Variants in CORIN observed in about 807,000 individuals in gnomAD.
CORIN encodes atrial natriuretic peptide-converting enzyme.
A neutral mutation model predicts 125.3 loss-of-function variants in CORIN; 117 were observed. The observed-to-expected ratio is 0.93, with a 90% confidence interval of 0.80 to 1.09. The LOEUF is 1.09. CORIN is among the 50% of genes least tolerant of loss of function. CORIN has a pLI of 0.00. For synonymous variants in CORIN, 450 were observed against 466.4 expected, an observed-to-expected ratio of 0.96 and a Z score of 0.45; for missense variants, 1,253 against 1,306.7, an observed-to-expected ratio of 0.96 and a Z score of 0.63.
chr4:47,759,350 G>A (rs973718847), intron 4 of CORIN, among the ~76,000 whole-genome samples: 1 of 152,056 alleles, frequency 6.6e-6, no homozygotes, highest in African/African-American at 2.4e-5. Flanking sequence ...AACATCAAAA[G>A]CAAAAGTAGA....
At chr4:47,698,285 C>A (rs1207594469) in intron 5 of CORIN, among the ~76,000 whole-genome samples, 1 of 151,620 alleles carries the variant, frequency 6.6e-6, no homozygotes, top group African/African-American at 2.4e-5. Context: ...TTAATATTGG[C>A]ACCCAATATT....
At chr4:47,781,290 T>C (rs1730534722) in intron 3 of CORIN, among the ~76,000 whole-genome samples, 1 of 152,210 alleles carries the variant, frequency 6.6e-6, no homozygotes, top group African/African-American at 2.4e-5. Context: ...GACTCACTTA[T>C]GATGGTTTGA....
chr4:47,603,486 A>G lies in CORIN; in HGVS notation c.2723T>C (p.Val908Ala). The change falls in exon 20 of 22, where the codon GTC (valine) becomes GCC (alanine). Residue 908 changes from valine (V) to alanine (A), a missense_variant. By Grantham distance (64) the Val-to-Ala change is moderately conservative. Transcript: ENST00000273857. ...LSEDISETGY[V>A]RPVCLPNPEQ... Reference sequence around the variant, plus strand: ...CGGGTTGGGCAAGCAGACAGGCCGGACGTAGCCAGTCTCACTGATGTCTTC... The same window carrying G: ...CGGGTTGGGCAAGCAGACAGGCCGGGCGTAGCCAGTCTCACTGATGTCTTC... 6.2e-7 allele frequency: 1 copy of G among 1,614,150 alleles called. No homozygotes were observed. The highest frequency in any genetic ancestry group is 8.5e-7 in the Non-Finnish European group (1 of 1,180,018).
intron 5 of CORIN, among the ~76,000 whole-genome samples, chr4:47,736,689 G>C (rs192027180): frequency 1.3e-5 from 2 of 150,156 alleles, no homozygotes; most frequent in East Asian, 4.2e-4. Context: ...ATGTGTCTAT[G>C]TATTCTTATC....
intron 16 of CORIN, among the ~76,000 whole-genome samples, chr4:47,626,995 T>A (rs1722599348): frequency 1.4e-5 from 2 of 146,842 alleles, no homozygotes; most frequent in Non-Finnish European, 3.0e-5. Context: ...TTGTTGTTGT[T>A]TTTTTTTTGA....
In CORIN at chr4:47,603,464, G is replaced by T; in HGVS notation, c.2745C>A (p.Asn915Lys). The T allele has an allele frequency of 1.2e-5, 19 of 1,614,190 alleles. No homozygotes were observed. The highest frequency in any genetic ancestry group is 1.6e-5 in the Non-Finnish European group (19 of 1,180,032). Residue 915 changes from asparagine (N) to lysine (K), a missense_variant, in exon 20 of 22, where the codon AAC (asparagine) becomes AAA (lysine). Asn to Lys is a moderately conservative substitution (Grantham distance 94, BLOSUM62 0). Coordinates refer to ENST00000273857, the MANE Select transcript of CORIN (RefSeq NM_006587.4). Reference sequence around the variant, plus strand: ...TGTCAGGCTCTAGCCACTGCTCCGGGTTGGGCAAGCAGACAGGCCGGACGT... The same window carrying T: ...TGTCAGGCTCTAGCCACTGCTCCGGTTTGGGCAAGCAGACAGGCCGGACGT... ...TGYVRPVCLP[N>K]PEQWLEPDTY...
At chr4:47,770,391 G>A (rs1247425385) in intron 3 of CORIN, among the ~76,000 whole-genome samples, 1 of 152,180 alleles carries the variant, frequency 6.6e-6, no homozygotes, top group African/African-American at 2.4e-5. Flanking sequence ...TGGTGAGGAT[G>A]TGGAGAAAAG....
Position 47,604,620 on chromosome 4 carries a change from C to A in CORIN, c.2541-952G>T, listed in dbSNP as rs182574902. Among the ~76,000 whole-genome samples the A allele has an allele frequency of 8.9e-4, 135 of 152,286 alleles. 1 individual carries two copies. The highest frequency in any genetic ancestry group is 3.1e-3 in the African/African-American group (130 of 41,572). ...AGGTGAATCTTCTCTTTTTCTTACA[C>A]CCAACACTGAATGCATCAGCAAGTC... is the stretch of plus-strand genomic sequence containing the variant. On this transcript the variant is annotated intron_variant, in intron 19 of 21. Coordinates refer to ENST00000273857, the MANE Select transcript of CORIN (RefSeq NM_006587.4).
At chr4:47,812,468 G>A (rs1732103277) in intron 1 of CORIN, among the ~76,000 whole-genome samples, 1 of 152,140 alleles carries the variant, frequency 6.6e-6, no homozygotes, top group African/African-American at 2.4e-5. Context: ...TCGTACCACT[G>A]CACTGCAGCC....
chr4:47,634,288 G>A (rs190829335), intron 16 of CORIN, among the ~76,000 whole-genome samples: 2 of 152,248 alleles, frequency 1.3e-5, no homozygotes, highest in Admixed American at 1.3e-4. Context: ...TAAACTCACA[G>A]GCATTCGTCT....
intron 9 of CORIN, among the ~76,000 whole-genome samples, chr4:47,675,486 A>C (rs888053740): frequency 1.3e-5 from 2 of 152,092 alleles, no homozygotes; most frequent in African/African-American, 4.8e-5. Flanking sequence ...TTTTTCTCAA[A>C]GCAAACCTAA....
intron 3 of CORIN, among the ~76,000 whole-genome samples, chr4:47,774,742 A>T (rs1168077805): frequency 1.3e-5 from 2 of 152,218 alleles, no homozygotes; most frequent in East Asian, 1.9e-4. Flanking sequence ...CAAGTCTTGC[A>T]GTGGCTTCTT....
chr4:47,800,980 C>T (rs1238349847), intron 2 of CORIN, among the ~76,000 whole-genome samples: 4 of 152,162 alleles, frequency 2.6e-5, no homozygotes, highest in Non-Finnish European at 5.9e-5. Context: ...CTTCAACTGC[C>T]ACTGAGACTG....
At chr4:47,637,756 C>A (rs1357574888) in intron 16 of CORIN, among the ~76,000 whole-genome samples, 1 of 152,302 alleles carries the variant, frequency 6.6e-6, no homozygotes, top group East Asian at 1.9e-4. Context: ...GTGGGGCCCT[C>A]ATGGAGAACC....
Position 47,623,117 on chromosome 4 carries a change from T to TATATATATATATACAC in CORIN, c.2540+453_2540+454insGTGTATATATATATAT, listed in dbSNP as rs141525347. On this transcript the variant is annotated intron_variant, in intron 19 of 21. Coordinates refer to ENST00000273857, the MANE Select transcript of CORIN (RefSeq NM_006587.4). ...CTCTCTATATATATATATATATATA[T>TATATATATATATACAC]ACACACACACACACACTCTCTCTGA... Among the ~76,000 whole-genome samples, 67 of 134,530 alleles carry TATATATATATATACAC rather than the reference T, an allele frequency of 5.0e-4. 1 individual carries two copies. Among genetic ancestry groups the TATATATATATATACAC allele is most frequent in the African/African-American group, 1.9e-3 (61 of 32,436 alleles). 88.3% of individuals were successfully genotyped at this position (134,530 alleles called of 152,430 possible). A position where few individuals can be genotyped will look rare whatever the true frequency, so the allele number is the denominator to read the frequency against.
Position 47,626,544 on chromosome 4 carries a change from T to G in CORIN, c.2199-23A>C, listed in dbSNP as rs745319918. The G allele has an allele frequency of 2.2e-6, 3 of 1,373,332 alleles. No individual in the cohort carries two copies. The African/African-American group carries it at 4.3e-5, about 20-fold the overall frequency. The allele number at this position is 1,373,332 out of a possible 1,614,324, so 85.1% of individuals were successfully genotyped here. A position where few individuals can be genotyped will look rare whatever the true frequency, so the allele number is the denominator to read the frequency against. The stretch of plus-strand genomic sequence containing the variant: ...TCTCTGATACAAGGCAAATACTGGA[T>G]AAGTATTCAAAGTACAATGATCTTT... On this transcript the variant is annotated intron_variant, in intron 16 of 21. Transcript: ENST00000273857.
At chr4:47,698,405 C>T (rs1018883048) in intron 5 of CORIN, among the ~76,000 whole-genome samples, 1 of 151,692 alleles carries the variant, frequency 6.6e-6, no homozygotes, top group Non-Finnish European at 1.5e-5. Context: ...AAAGTTCCTC[C>T]GGCAAGAGTC....
intron 19 of CORIN, among the ~76,000 whole-genome samples, chr4:47,622,984 A>C (rs1722382408): frequency 6.6e-6 from 1 of 150,588 alleles, no homozygotes; most frequent in Non-Finnish European, 1.5e-5. Flanking sequence ...TAATTTTCTC[A>C]CCTTGTTCAG....
At chr4:47,752,237 C>T (rs1017255749) in intron 4 of CORIN, among the ~76,000 whole-genome samples, 6 of 152,124 alleles carry the variant, frequency 3.9e-5, no homozygotes, top group East Asian at 1.9e-4. Context: ...TATCACTATC[C>T]GCTAAACGAG....
Sources: allele counts gnomAD v4.1 joint callset (sites outside exome capture counted in the v4.1 genomes callset), GRCh38; gene constraint gnomAD v4.1.1; transcripts MANE v1.5; gene names NCBI Gene and HGNC (gene_info 2026-07-23, HGNC 2026-07-21).